Variants in ADAMTS20 observed in about 807,000 individuals in gnomAD.
ADAMTS20 encodes the protein A disintegrin and metalloproteinase with thrombospondin motifs 20.
ADAMTS20 carries 225 observed loss-of-function variants against 260.1 expected under a neutral mutation model. The observed-to-expected ratio is 0.87, with a 90% CI of 0.78 to 0.97. ADAMTS20 has a LOEUF of 0.97. ADAMTS20 is among the 50% of genes least tolerant of loss of function. ADAMTS20 has a pLI of 0.00. For synonymous variants in ADAMTS20, 802 were observed against 769.5 expected (o/e 1.04, Z -0.70); for missense variants, 2,400 against 2,337.7 (o/e 1.03, Z -0.55).
At chr12:43,470,597 G>C (rs879561699) in intron 7 of ADAMTS20, among the ~76,000 whole-genome samples, 1 of 152,150 alleles carries the variant, frequency 6.6e-6, no homozygotes, top group Non-Finnish European at 1.5e-5. Flanking sequence ...GGCAGCATGG[G>C]CCCAAGCTTG....
intron 12 of ADAMTS20, among the ~76,000 whole-genome samples, chr12:43,453,053 C>T (rs964157063): frequency 6.6e-6 from 1 of 151,970 alleles, no homozygotes; most frequent in Non-Finnish European, 1.5e-5. Flanking sequence ...AAGGCAGGTG[C>T]CATGTTAAAT....
intron 28 of ADAMTS20, among the ~76,000 whole-genome samples, chr12:43,399,856 G>A (rs1322192019): frequency 1.3e-5 from 2 of 151,954 alleles, no homozygotes; most frequent in Non-Finnish European, 2.9e-5. Flanking sequence ...ATAACGATTT[G>A]ACTTCATTTG....
intron 28 of ADAMTS20, chr12:43,422,713 C>G (rs1249556372): frequency 6.6e-6 from 1 of 151,930 alleles, no homozygotes; most frequent in Non-Finnish European, 1.5e-5. Flanking sequence ...GTGAATTATT[C>G]AATGAATTCC....
chr12:43,434,172 A>T, intron 19 of ADAMTS20, 73 bp downstream of exon 19: 1 of 1,435,322 alleles, frequency 7.0e-7, no homozygotes, highest in African/African-American at 1.4e-5. Flanking sequence ...ATGCTGTGTC[A>T]GTCACTGTGT....
chr12:43,498,184 CT>C (rs1412465759), intron 4 of ADAMTS20, among the ~76,000 whole-genome samples: 1 of 151,986 alleles, frequency 6.6e-6, no homozygotes, highest in Non-Finnish European at 1.5e-5. Context: ...TTCCAGAAAC[CT>C]TTAAGTAAGA....
intron 28 of ADAMTS20, among the ~76,000 whole-genome samples, chr12:43,415,070 C>T (rs541131724): frequency 5.2e-4 from 79 of 152,210 alleles, no homozygotes; most frequent in Admixed American, 5.9e-4. Context: ...TACAATTACA[C>T]GCAACGTAAA....
At chr12:43,435,348 A>T (rs1337212372) in intron 18 of ADAMTS20, among the ~76,000 whole-genome samples, 1 of 152,140 alleles carries the variant, frequency 6.6e-6, no homozygotes, top group Non-Finnish European at 1.5e-5. Flanking sequence ...TTCTCTAAAA[A>T]ATAAAGTCTA....
In ADAMTS20 at chr12:43,551,938, C is replaced by T. The variant is rs780612327; in HGVS notation, c.-17G>A. 2 of 1,611,854 alleles carry T rather than the reference C, an allele frequency of 1.2e-6. No homozygotes were observed. Among genetic ancestry groups the T allele is most frequent in the Non-Finnish European group, 1.7e-6 (2 of 1,178,650 alleles). Reference sequence around the variant, plus strand: ...CACCCACATGGTTCCACCCTGGGGACCCCGATCGGGGAGGCCCACCAGAGC... The same window carrying T: ...CACCCACATGGTTCCACCCTGGGGATCCCGATCGGGGAGGCCCACCAGAGC... On this transcript the variant is annotated 5_prime_UTR_variant, in exon 1 of 39. Transcript: ENST00000389420. This position sits in a 1 kb window ranked among gnomAD's most constrained non-coding sequence, Gnocchi z 4.6.
chr12:43,547,541 C>T (rs10880525), intron 2 of ADAMTS20, among the ~76,000 whole-genome samples: 65,211 of 151,936 alleles, frequency 0.43, 14,298 homozygotes, highest in East Asian at 0.56. Flanking sequence ...AAAGGGTTCC[C>T]TACACACATC....
At chr12:43,398,685 C>A (rs1940750782) in intron 29 of ADAMTS20, among the ~76,000 whole-genome samples, 2 of 152,080 alleles carry the variant, frequency 1.3e-5, no homozygotes, top group African/African-American at 2.4e-5. Context: ...TATTCAGTAA[C>A]AAAATTTCTT....
Position 43,356,497 on chromosome 12 carries a change from A to C in ADAMTS20, c.5630T>G (p.Ile1877Arg), listed in dbSNP as rs188761609. 31 of 1,606,310 alleles carry C rather than the reference A, an allele frequency of 1.9e-5. No individual in the cohort carries two copies. Among genetic ancestry groups the C allele is most frequent in the Middle Eastern group, 1.7e-4 (1 of 6,050 alleles). Residue 1877 changes from isoleucine to arginine, a missense_variant, in exon 38 of 39, where the codon ATA becomes AGA. Ile to Arg is a moderately conservative substitution (Grantham distance 97). Coordinates refer to ENST00000389420, the MANE Select transcript of ADAMTS20 (RefSeq NM_025003.5). ...CGCAGGACTTACCTCTGATCTTCGT[A>C]TGCTGACAGAGGTATAACTCCCCTG... ...LTQGSYTSVS[I>R]RRSEDGTRFF...
intron 4 of ADAMTS20, among the ~76,000 whole-genome samples, chr12:43,500,804 C>A (rs1258061051): frequency 6.6e-6 from 1 of 151,998 alleles, no homozygotes; most frequent in Non-Finnish European, 1.5e-5. Flanking sequence ...GTTTAGGCAA[C>A]GTAGACTATG....
chr12:43,436,017 T>C (rs1427834819), intron 18 of ADAMTS20, among the ~76,000 whole-genome samples: 2 of 152,148 alleles, frequency 1.3e-5, no homozygotes, highest in Non-Finnish European at 2.9e-5. Flanking sequence ...TTATCTCTGC[T>C]CCTTTCTCAA....
At chr12:43,468,798 T>A (rs1942201360) in intron 7 of ADAMTS20, 93 bp from the exon 8 acceptor site, 1 of 707,334 alleles carries the variant, frequency 1.4e-6, no homozygotes, top group African/African-American at 1.8e-5. Context: ...ATTGATGTTA[T>A]TACTTAGAAA....
At chr12:43,498,515 T>C (rs1942708620) in intron 4 of ADAMTS20, among the ~76,000 whole-genome samples, 3 of 152,234 alleles carry the variant, frequency 2.0e-5, no homozygotes, top group Admixed American at 6.5e-5. Flanking sequence ...TCACATTGTC[T>C]TGACCTTTTC....
In ADAMTS20 at chr12:43,405,229, C is replaced by CAAAAA. The variant is rs869040570; in HGVS notation, c.4285-6001_4285-5997dup. On this transcript the variant is annotated intron_variant, in intron 28 of 38. Coordinates refer to ENST00000389420, the MANE Select transcript of ADAMTS20 (RefSeq NM_025003.5). ...GTAACAAAATGAGACCTCATCTCTA[C>CAAAAA]AAAAAAAAAAAAAAAAAAAAAAAAA... is the stretch of plus-strand genomic sequence containing the variant. Among the ~76,000 whole-genome samples the CAAAAA allele has an allele frequency of 1.4e-3, 72 of 52,746 alleles. 1 individual carries two copies. Among genetic ancestry groups the CAAAAA allele is most frequent in the African/African-American group, 1.7e-3 (19 of 11,314 alleles). The allele number at this position is 52,746 out of a possible 152,430, so 34.6% of individuals were successfully genotyped here. A position where few individuals can be genotyped will look rare whatever the true frequency, so the allele number is the denominator to read the frequency against.
At chr12:43,410,608 TG>T (rs1941013365) in intron 28 of ADAMTS20, among the ~76,000 whole-genome samples, 1 of 152,340 alleles carries the variant, frequency 6.6e-6, no homozygotes, top group South Asian at 2.1e-4. Flanking sequence ...TAAATTTGTT[TG>T]GATATATCCA....
intron 2 of ADAMTS20, among the ~76,000 whole-genome samples, chr12:43,539,384 C>T (rs1049420912): frequency 3.3e-5 from 5 of 152,132 alleles, no homozygotes; most frequent in African/African-American, 4.8e-5. Context: ...TAGGATTACA[C>T]GTTTTTAAAT....
At chr12:43,521,603 A>G (rs1046286642) in intron 3 of ADAMTS20, among the ~76,000 whole-genome samples, 9 of 152,068 alleles carry the variant, frequency 5.9e-5, no homozygotes, top group Non-Finnish European at 1.2e-4. Context: ...CCAAAATTAC[A>G]TATTTTTTTA....
Sources: gnomAD v4.1 joint callset for allele counts (sites outside exome capture counted in the v4.1 genomes callset) on GRCh38, gnomAD v4.1.1 for gene constraint, Gnocchi (gnomAD v3.1) non-coding constraint, MANE v1.5 for transcripts, NCBI Gene and HGNC (gene_info 2026-07-23, HGNC 2026-07-21) for gene names.